Variants in PTPRD observed in about 807,000 individuals in gnomAD.
PTPRD encodes protein tyrosine phosphatase receptor type D.
A neutral mutation model predicts 214.5 loss-of-function variants in PTPRD; 34 were observed. The ratio of observed to expected loss-of-function variants is 0.16; its 90% confidence interval spans 0.12 to 0.21. The LOEUF is 0.21. Ranked by LOEUF, PTPRD falls within the 10% of genes least tolerant of loss-of-function variation. PTPRD has a pLI of 1.00. For missense variants in PTPRD, 2,545 were observed against 2,398.7 expected, an observed-to-expected ratio of 1.06 and a Z score of -1.27; for synonymous variants, 1,128 against 845.7, an observed-to-expected ratio of 1.33 and a Z score of -5.79.
At chr9:8,631,546 T>C (rs1282506636) in intron 14 of PTPRD, among the ~76,000 whole-genome samples, 1 of 151,812 alleles carries the variant, frequency 6.6e-6, no homozygotes, top group Non-Finnish European at 1.5e-5. Context: ...TGTTGCACAC[T>C]CTATGGGACT....
chr9:8,990,347 T>C (rs1211995541), intron 11 of PTPRD, among the ~76,000 whole-genome samples: 1 of 152,196 alleles, frequency 6.6e-6, no homozygotes, highest in Non-Finnish European at 1.5e-5. Flanking sequence ...AAAAAGTTCA[T>C]AGGTTTACAG....
intron 14 of PTPRD, among the ~76,000 whole-genome samples, chr9:8,628,565 T>C (rs1212798227): frequency 6.6e-6 from 1 of 150,476 alleles, no homozygotes; most frequent in Non-Finnish European, 1.5e-5. Flanking sequence ...AGAGGGGTGA[T>C]CTGAGTGATT....
chr9:9,837,851 T>C (rs543821361), intron 5 of PTPRD, among the ~76,000 whole-genome samples: 4 of 152,302 alleles, frequency 2.6e-5, no homozygotes, highest in Admixed American at 6.5e-5. Context: ...ATGTGCCATG[T>C]TGGTGCGCTG....
chr9:9,984,559 CA>C (rs1218841704), intron 4 of PTPRD, among the ~76,000 whole-genome samples: 1 of 152,264 alleles, frequency 6.6e-6, no homozygotes, highest in East Asian at 1.9e-4. Context: ...TATGGGTACA[CA>C]GAGTGACTTT....
intron 3 of PTPRD, among the ~76,000 whole-genome samples, chr9:10,244,853 T>C (rs575102089): frequency 6.6e-6 from 1 of 152,270 alleles, no homozygotes; most frequent in East Asian, 1.9e-4. Flanking sequence ...GCTGCTTCTA[T>C]ATTGACTTTT....
At chr9:8,652,595 C>A (rs971114694) in intron 12 of PTPRD, among the ~76,000 whole-genome samples, 2 of 152,222 alleles carry the variant, frequency 1.3e-5, no homozygotes, top group African/African-American at 4.8e-5. Context: ...AGGACCTCCT[C>A]CCAGGTTGGA....
chr9:8,792,553 G>T (rs561279557), intron 11 of PTPRD, among the ~76,000 whole-genome samples: 3 of 152,084 alleles, frequency 2.0e-5, no homozygotes, highest in Non-Finnish European at 4.4e-5. Context: ...CTAGCTTTTG[G>T]ACTACTGACT....
intron 3 of PTPRD, among the ~76,000 whole-genome samples, chr9:10,340,717 A>C (rs2096922817): frequency 6.6e-6 from 1 of 151,906 alleles, no homozygotes; most frequent in Non-Finnish European, 1.5e-5. Context: ...CCTCAAATGG[A>C]TGCCAACATC....
At chr9:10,592,261 C>T (rs2132952019) in intron 2 of PTPRD, among the ~76,000 whole-genome samples, 1 of 151,910 alleles carries the variant, frequency 6.6e-6, no homozygotes, top group African/African-American at 2.4e-5. Flanking sequence ...CCTAGAAGGT[C>T]CCAGGATGAC....
intron 5 of PTPRD, among the ~76,000 whole-genome samples, chr9:9,796,438 G>A (rs950406203): frequency 1.3e-5 from 2 of 152,082 alleles, no homozygotes; most frequent in Admixed American, 6.5e-5. Context: ...TGAAATGATG[G>A]CTCTGATGTT....
At chr9:9,517,874 A>G (rs950324782) in intron 8 of PTPRD, among the ~76,000 whole-genome samples, 1 of 152,054 alleles carries the variant, frequency 6.6e-6, no homozygotes, top group Non-Finnish European at 1.5e-5. Flanking sequence ...CTTAGAAAAG[A>G]AACTTCTAAT....
At chr9:8,483,915 C>A (rs947966736) in intron 30 of PTPRD, among the ~76,000 whole-genome samples, 7 of 152,196 alleles carry the variant, frequency 4.6e-5, no homozygotes, top group African/African-American at 1.7e-4. Context: ...TAAAAACTCA[C>A]TGTTAAATTA....
At chr9:10,479,662 C>CATACATACATAAATACATAAATAAAT (rs1296695008) in intron 2 of PTPRD, among the ~76,000 whole-genome samples, 2 of 52,640 alleles carry the variant, frequency 3.8e-5, no homozygotes, top group African/African-American at 5.3e-5. Flanking sequence ...AATAAATAAA[C>CATACATACATAAATACATAAATAAAT]AAAAATACAA....
At chr9:9,551,469 C>T (rs980957881) in intron 8 of PTPRD, among the ~76,000 whole-genome samples, 1 of 151,622 alleles carries the variant, frequency 6.6e-6, no homozygotes, top group African/African-American at 2.4e-5. Flanking sequence ...ATACATAACA[C>T]ATTAGTGAAA....
chr9:10,379,480 T>A (rs1402757045), intron 2 of PTPRD, among the ~76,000 whole-genome samples: 1 of 151,982 alleles, frequency 6.6e-6, no homozygotes, highest in Non-Finnish European at 1.5e-5. Context: ...GGATAATTCC[T>A]GAGGTTCATT....
Position 8,554,746 on chromosome 9 carries a change from C to T in PTPRD, c.353-25967G>A, listed in dbSNP as rs2083213811. On this transcript the variant is annotated intron_variant, in intron 14 of 45. Transcript: ENST00000381196. ...TGTCCAACACGTTTGTTTATTTTGACCTGTTGGTCCAAGCACTGTAGAGCT... is the reference window on the plus strand; with the variant it reads ...TGTCCAACACGTTTGTTTATTTTGATCTGTTGGTCCAAGCACTGTAGAGCT... Among the ~76,000 whole-genome samples the T allele has an allele frequency of 3.3e-5, 5 of 152,134 alleles. No homozygotes were observed. In the South Asian group the frequency reaches 8.3e-4, roughly 25 times the overall value.
At chr9:8,612,343 T>A (rs566134721) in intron 14 of PTPRD, among the ~76,000 whole-genome samples, 100 of 152,340 alleles carry the variant, frequency 6.6e-4, no homozygotes, top group Non-Finnish European at 1.3e-3. Flanking sequence ...AAAATGTTCA[T>A]TTCATTTAAA....
intron 3 of PTPRD, among the ~76,000 whole-genome samples, chr9:10,043,557 T>A (rs1567274761): frequency 6.6e-6 from 1 of 151,830 alleles, no homozygotes; most frequent in Non-Finnish European, 1.5e-5. Context: ...TAAAACTGTC[T>A]GTAAAATTTT....
At chr9:9,251,832 GA>G (rs965116081) in intron 9 of PTPRD, among the ~76,000 whole-genome samples, 3 of 152,054 alleles carry the variant, frequency 2.0e-5, no homozygotes, top group Non-Finnish European at 4.4e-5. Flanking sequence ...TAATATTTTT[GA>G]AATATCAGAT....
Sources: gnomAD v4.1 joint callset for allele counts (sites outside exome capture counted in the v4.1 genomes callset) on GRCh38, gnomAD v4.1.1 for gene constraint, MANE v1.5 for transcripts, NCBI Gene and HGNC (gene_info 2026-07-23, HGNC 2026-07-21) for gene names.